The following RAP1GAP variants were observed in gnomAD, a reference collection of about 807,000 sequenced individuals.
RAP1GAP encodes the protein RAP1 GTPase activating protein.
Under a neutral mutation model 87.2 loss-of-function variants are expected in RAP1GAP, and 35 were observed. That is an observed-to-expected ratio of 0.40 (90% CI 0.31 to 0.53). The LOEUF is 0.53. RAP1GAP is among the 20% of genes least tolerant of loss of function. RAP1GAP has a pLI of 0.48. For synonymous variants in RAP1GAP, 375 were observed against 363.9 expected, an observed-to-expected ratio of 1.03 and a Z score of -0.35; for missense variants, 734 against 898.9, an observed-to-expected ratio of 0.82 and a Z score of 2.35.
chr1:21,617,520 C>G (rs1173525466), intron 6 of RAP1GAP, 29 bp from the exon 7 acceptor site: 1 of 1,568,398 alleles, frequency 6.4e-7, no homozygotes. Flanking sequence ...GAGAGCCACC[C>G]CACACTGTAC....
intron 2 of RAP1GAP, among the ~76,000 whole-genome samples, chr1:21,646,307 C>G (rs373506454): frequency 6.6e-6 from 1 of 152,216 alleles, no homozygotes; most frequent in East Asian, 1.9e-4. Context: ...GGCTACATCA[C>G]TCCCCGCTCC....
chr1:21,654,663 C>G (rs988335446), intron 1 of RAP1GAP, among the ~76,000 whole-genome samples: 2 of 151,248 alleles, frequency 1.3e-5, no homozygotes, highest in Admixed American at 1.3e-4. Context: ...TGAGACCTGT[C>G]TCTACAAAAA....
intron 1 of RAP1GAP, among the ~76,000 whole-genome samples, chr1:21,659,565 C>G (rs2097028105): frequency 6.6e-6 from 1 of 152,232 alleles, no homozygotes; most frequent in South Asian, 2.1e-4. Context: ...CCGCGGGACC[C>G]GTTCTCTCGG....
At chr1:21,606,725 C>A (rs535772831) in intron 17 of RAP1GAP, among the ~76,000 whole-genome samples, 34 of 152,250 alleles carry the variant, frequency 2.2e-4, no homozygotes, top group African/African-American at 7.0e-4. Context: ...ATGGGACCAG[C>A]GCTTTACAAT....
At chr1:21,606,458 G>A (rs374444566) in intron 17 of RAP1GAP, among the ~76,000 whole-genome samples, 2 of 152,188 alleles carry the variant, frequency 1.3e-5, no homozygotes, top group African/African-American at 4.8e-5. Flanking sequence ...CCAACTTGCC[G>A]GGTGGCCTTG....
chr1:21,628,969 T>C (rs2093121628), intron 2 of RAP1GAP, among the ~76,000 whole-genome samples: 1 of 151,896 alleles, frequency 6.6e-6, no homozygotes, highest in African/African-American at 2.4e-5. Context: ...CCATGGGGAC[T>C]CTTTAGTGAG....
intron 2 of RAP1GAP, among the ~76,000 whole-genome samples, chr1:21,630,142 C>T (rs532089904): frequency 1.3e-5 from 2 of 152,304 alleles, no homozygotes; most frequent in South Asian, 4.1e-4. Context: ...TGTCCAAGGT[C>T]ACACACAGTA....
chr1:21,635,120 C>G (rs1378076201), intron 2 of RAP1GAP, among the ~76,000 whole-genome samples: 1 of 152,194 alleles, frequency 6.6e-6, no homozygotes, highest in Non-Finnish European at 1.5e-5. Flanking sequence ...CGAAGCTCAG[C>G]CCCAGCTGCT....
chr1:21,639,009 G>A (rs1165476165), intron 2 of RAP1GAP, among the ~76,000 whole-genome samples: 1 of 152,264 alleles, frequency 6.6e-6, no homozygotes, highest in Non-Finnish European at 1.5e-5. Context: ...TCAGGGAAGA[G>A]CAGAGGCAGC....
At chr1:21,619,186 T>C (rs1315274273) in intron 4 of RAP1GAP, 114 bp from the exon 5 acceptor site, 2 of 1,132,378 alleles carry the variant, frequency 1.8e-6, no homozygotes, top group Non-Finnish European at 2.5e-6. Flanking sequence ...AAGGTAGGGG[T>C]ACTCCCAGGG....
Position 21,659,009 on chromosome 1 carries a change from G to A in RAP1GAP, c.-148-9213C>T, listed in dbSNP as rs1025060923. On this transcript the variant is annotated intron_variant, in intron 1 of 24. Coordinates refer to ENST00000374765, the MANE Select transcript of RAP1GAP (RefSeq NM_002885.4). ...GGCTGGAGTGCAATGGCGCGATCTCGGCTCACCGCAACCTCCACCTCAGTA... is the reference window on the plus strand; with the variant it reads ...GGCTGGAGTGCAATGGCGCGATCTCAGCTCACCGCAACCTCCACCTCAGTA... Among the ~76,000 whole-genome samples, 6 of 146,728 alleles carry A rather than the reference G, an allele frequency of 4.1e-5. No individual in the cohort carries two copies. In the East Asian group the frequency reaches 1.2e-3, roughly 30 times the overall value.
chr1:21,645,628 G>T (rs1228265157), intron 2 of RAP1GAP, among the ~76,000 whole-genome samples: 1 of 152,236 alleles, frequency 6.6e-6, no homozygotes. Context: ...GAGGCAGGAG[G>T]CCTTGGCATT....
chr1:21,609,994 A>G lies in RAP1GAP; in HGVS notation c.999+126T>C. On this transcript the variant is annotated intron_variant, in intron 14 of 24. Coordinates refer to ENST00000374765, the MANE Select transcript of RAP1GAP (RefSeq NM_002885.4). This position sits in a 1 kb window ranked among gnomAD's most constrained non-coding sequence, Gnocchi z 4.4. ...GGGGGCGTGGTGTGAACAGTGCACC[A>G]TTGAAGCCTTCCATGGTCCCCCCAT... is the stretch of plus-strand genomic sequence containing the variant. The G allele has an allele frequency of 8.2e-7, 1 of 1,222,254 alleles. No individual in the cohort carries two copies. Among genetic ancestry groups the G allele is most frequent in the South Asian group, 1.6e-5 (1 of 63,850 alleles). The allele number at this position is 1,222,254 out of a possible 1,614,324, so 75.7% of individuals were successfully genotyped here. A position where few individuals can be genotyped will look rare whatever the true frequency, so the allele number is the denominator to read the frequency against.
rs889630884 is a variant in RAP1GAP, at chr1:21,596,932, ACTCT to A, written c.*363_*366del. Reference sequence around the variant, plus strand: ...AGCTCTCCACACGGAGCTGTCTCAAACTCTCTCTCCCACCTTGTTCCCTCTGAGT... The same window carrying A: ...AGCTCTCCACACGGAGCTGTCTCAAACTCTCCCACCTTGTTCCCTCTGAGT... On this transcript the variant is annotated 3_prime_UTR_variant, in exon 25 of 25. Transcript: ENST00000374765. The A allele has an allele frequency of 2.6e-5, 4 of 151,964 alleles. No homozygotes were observed. Among genetic ancestry groups the A allele is most frequent in the African/African-American group, 9.7e-5 (4 of 41,310 alleles). The allele number at this position is 151,964 out of a possible 1,614,324, so 9.4% of individuals were successfully genotyped here.
chr1:21,641,058 C>T (rs1342676380), intron 2 of RAP1GAP, among the ~76,000 whole-genome samples: 1 of 149,204 alleles, frequency 6.7e-6, no homozygotes, highest in African/African-American at 2.5e-5. Flanking sequence ...CAGGCATGCA[C>T]CACTACGCCC....
Position 21,609,982 on chromosome 1 carries a change from G to T in RAP1GAP, c.999+138C>A. On this transcript the variant is annotated intron_variant, in intron 14 of 24. Transcript: ENST00000374765. This position sits in a 1 kb window ranked among gnomAD's most constrained non-coding sequence, Gnocchi z 4.4. ...TTGGGGACGACAGGGGGCGTGGTGT[G>T]AACAGTGCACCATTGAAGCCTTCCA... The T allele has an allele frequency of 1.8e-6, 2 of 1,106,742 alleles. No homozygotes were observed. Among genetic ancestry groups the T allele is most frequent in the Non-Finnish European group, 2.5e-6 (2 of 792,116 alleles). The allele number at this position is 1,106,742 out of a possible 1,614,324, so 68.6% of individuals were successfully genotyped here. A position where few individuals can be genotyped will look rare whatever the true frequency, so the allele number is the denominator to read the frequency against.
At chr1:21,601,831 G>C (rs1426239122) in intron 19 of RAP1GAP, 34 bp from the exon 20 acceptor site, 1 of 1,480,896 alleles carries the variant, frequency 6.8e-7, no homozygotes, top group Non-Finnish European at 9.2e-7. Context: ...GGGGGATTCA[G>C]CACCAGGCCT....
At chr1:21,655,605 C>T (rs2096828925) in intron 1 of RAP1GAP, among the ~76,000 whole-genome samples, 3 of 151,514 alleles carry the variant, frequency 2.0e-5, no homozygotes, top group Non-Finnish European at 4.4e-5. Context: ...CCCCTTCTTC[C>T]TTGGCCTCCA....
chr1:21,599,374 G>A (rs1035182202), intron 21 of RAP1GAP, 120 bp downstream of exon 21: 10 of 1,414,280 alleles, frequency 7.1e-6, no homozygotes, highest in South Asian at 4.1e-5. Flanking sequence ...CCTTTGGGCC[G>A]GGTCCCCTGA....
Sources: allele counts gnomAD v4.1 joint callset (sites outside exome capture counted in the v4.1 genomes callset), GRCh38; gene constraint gnomAD v4.1.1; non-coding constraint Gnocchi (gnomAD v3.1); transcripts MANE v1.5; gene names NCBI Gene and HGNC (gene_info 2026-07-23, HGNC 2026-07-21).